The following KCNK2 variants were observed in gnomAD, a reference collection of about 807,000 sequenced individuals.
The protein encoded by KCNK2 is potassium two pore domain channel subfamily K member 2.
A neutral mutation model predicts 40.5 loss-of-function variants in KCNK2; 21 were observed. That is an observed-to-expected ratio of 0.52 (90% CI 0.37 to 0.75). KCNK2 has a LOEUF of 0.75. Among genes scored for constraint, KCNK2 ranks in the 30% least tolerant of loss-of-function variants. The probability of loss-of-function intolerance (pLI) is 0.00; values close to 1 mark genes in which losing one functional copy is unlikely to be tolerated. For missense variants in KCNK2, 399 were observed against 531.6 expected (o/e 0.75, Z 2.45); for synonymous variants, 191 against 202.2 (o/e 0.94, Z 0.47).
chr1:215,095,713 G>C lies in KCNK2; in HGVS notation c.357+9035G>C, dbSNP rs1356396761. Among the ~76,000 whole-genome samples the C allele has an allele frequency of 5.9e-5, 9 of 151,974 alleles. No individual in the cohort carries two copies. The South Asian group carries it at 1.2e-3, about 21-fold the overall frequency. ...ACAAACCAAATCAGATTTATGATCT[G>C]TGCCTCTAGGACATGCTTCCTTAAT... is the stretch of plus-strand genomic sequence containing the variant. On this transcript the variant is annotated intron_variant, in intron 2 of 6. Coordinates refer to ENST00000444842, the MANE Select transcript of KCNK2 (RefSeq NM_001017425.3).
intron 1 of KCNK2, among the ~76,000 whole-genome samples, chr1:215,028,448 G>C (rs1657072010): frequency 6.6e-6 from 1 of 151,962 alleles, no homozygotes; most frequent in South Asian, 2.1e-4. Context: ...TTGGGATTCT[G>C]TCTCAATTTT....
In KCNK2 at chr1:215,083,794, T is replaced by C. The variant is rs1252137989; in HGVS notation, c.46+363T>C. The C allele has an allele frequency of 1.7e-5, 6 of 345,334 alleles. No individual in the cohort carries two copies. In the East Asian group the frequency reaches 3.6e-4, roughly 21 times the overall value. 21.4% of individuals were successfully genotyped at this position (345,334 alleles called of 1,614,324 possible). ...GCCCATTGCCTGGTGGGACAGGCAG[T>C]GGTGCTGAAAAAAGCTTGCTTCCGC... On this transcript the variant is annotated intron_variant, in intron 1 of 6. Coordinates refer to ENST00000444842, the MANE Select transcript of KCNK2 (RefSeq NM_001017425.3).
intron 6 of KCNK2, among the ~76,000 whole-genome samples, chr1:215,201,869 G>T (rs10779653): frequency 0.99 from 150,871 of 152,318 alleles, 74,741 homozygotes; most frequent in East Asian, 1. Context: ...TTTCTTTTCT[G>T]TTTCTTCTTC....
At chr1:215,093,542 A>T (rs1229165237) in intron 2 of KCNK2, among the ~76,000 whole-genome samples, 1 of 112,344 alleles carries the variant, frequency 8.9e-6, no homozygotes, top group Non-Finnish European at 1.7e-5. Flanking sequence ...GAATATATAT[A>T]CTATATTGTA....
At chr1:215,065,907 G>C (rs1487624835) in intron 1 of KCNK2, among the ~76,000 whole-genome samples, 2 of 152,164 alleles carry the variant, frequency 1.3e-5, no homozygotes, top group Non-Finnish European at 1.5e-5. Flanking sequence ...GAACTGGGAG[G>C]ATTGCTTGAG....
At chr1:215,051,920 A>T (rs1260935330) in intron 1 of KCNK2, among the ~76,000 whole-genome samples, 1 of 152,194 alleles carries the variant, frequency 6.6e-6, no homozygotes, top group East Asian at 1.9e-4. Context: ...ATATTATTTT[A>T]AGTAAAGAAT....
At chr1:215,032,584 T>G (rs540681529) in intron 1 of KCNK2, among the ~76,000 whole-genome samples, 1 of 152,254 alleles carries the variant, frequency 6.6e-6, no homozygotes, top group East Asian at 1.9e-4. Context: ...TAACAACAGA[T>G]TTCTTCAATT....
intron 1 of KCNK2, among the ~76,000 whole-genome samples, chr1:215,018,344 A>G (rs1394138039): frequency 1.3e-5 from 2 of 152,214 alleles, no homozygotes; most frequent in Non-Finnish European, 2.9e-5. Flanking sequence ...AGTCTGGAAC[A>G]TCTTACATTA....
intron 1 of KCNK2, among the ~76,000 whole-genome samples, chr1:215,030,821 T>C (rs1345069514): frequency 1.3e-5 from 2 of 151,994 alleles, no homozygotes; most frequent in African/African-American, 4.8e-5. Flanking sequence ...TGCTGGGGAT[T>C]ATAGGCATGA....
chr1:215,235,046 T>G lies in KCNK2; in HGVS notation c.1182T>G (p.Asp394Glu). The G allele has an allele frequency of 6.2e-7, 1 of 1,613,792 alleles. No homozygotes were observed. The highest frequency in any genetic ancestry group is 1.1e-5 in the South Asian group (1 of 91,048). ...TGAACCACCTGACCAGCGAGAGGGA[T>G]GTCTTGCCTCCCTTACTGAAGACTG... ...LSVNHLTSER[D>E]VLPPLLKTES... The change falls in exon 7 of 7, where the codon GAT becomes GAG. Residue 394 changes from aspartate to glutamate, a missense_variant. This residue lies in a region of KCNK2 where 103 missense variants were observed against 124.3 expected (regional missense o/e 0.83). Coordinates refer to ENST00000444842, the MANE Select transcript of KCNK2 (RefSeq NM_001017425.3).
At chr1:215,036,389 T>C (rs1413051518) in intron 1 of KCNK2, among the ~76,000 whole-genome samples, 2 of 151,986 alleles carry the variant, frequency 1.3e-5, no homozygotes, top group Admixed American at 6.6e-5. Context: ...TCTGTTCCAT[T>C]GATCTATTTT....
At chr1:215,030,348 GCTTGTCTTTCCCTTTT>G (rs1185272174) in intron 1 of KCNK2, among the ~76,000 whole-genome samples, 2 of 151,958 alleles carry the variant, frequency 1.3e-5, no homozygotes, top group East Asian at 3.9e-4. Context: ...CCAGCTTGTG[GCTTGTCTTTCCCTTTT>G]CTTGATAGTC....
chr1:215,121,704 T>C (rs966092381), intron 2 of KCNK2, among the ~76,000 whole-genome samples: 5 of 152,214 alleles, frequency 3.3e-5, no homozygotes, highest in Non-Finnish European at 7.3e-5. Context: ...TTCCAACAGA[T>C]TGAAAGCAGA....
At chr1:215,053,626 T>C (rs938084271) in intron 1 of KCNK2, among the ~76,000 whole-genome samples, 7 of 152,106 alleles carry the variant, frequency 4.6e-5, no homozygotes, top group Non-Finnish European at 8.8e-5. Context: ...AAATGAAAAA[T>C]TGATAAATAA....
intron 1 of KCNK2, among the ~76,000 whole-genome samples, chr1:215,018,087 A>G (rs1213176593): frequency 1.3e-5 from 2 of 152,212 alleles, no homozygotes; most frequent in Non-Finnish European, 2.9e-5. Context: ...ATAATAAAGC[A>G]TGTATGTAAT....
At chr1:215,019,021 G>A (rs1016692760) in intron 1 of KCNK2, among the ~76,000 whole-genome samples, 5 of 151,618 alleles carry the variant, frequency 3.3e-5, no homozygotes, top group Non-Finnish European at 7.4e-5. Flanking sequence ...ATCTAAGAAA[G>A]ACCCTTTGCT....
chr1:215,020,150 C>T lies in KCNK2; in HGVS notation c.34+14195C>T, dbSNP rs1656740755. Among the ~76,000 whole-genome samples, 6 of 152,176 alleles carry T rather than the reference C, an allele frequency of 3.9e-5. No individual in the cohort carries two copies. The South Asian group carries it at 1.2e-3, about 32-fold the overall frequency. ...CGTTAGGTTCCTTTCAGAGGTGTGG[C>T]ACTTTGGATGTTTTCAATGGGAGCA... On this transcript the variant is annotated intron_variant, in intron 1 of 6. Transcript: ENST00000391895.
At chr1:215,163,423 C>T (rs1000118441) in intron 3 of KCNK2, among the ~76,000 whole-genome samples, 1 of 152,062 alleles carries the variant, frequency 6.6e-6, no homozygotes, top group African/African-American at 2.4e-5. Flanking sequence ...TTTCTCTTGC[C>T]TGATTGCCCT....
chr1:215,058,458 C>G (rs1230827917), intron 1 of KCNK2, among the ~76,000 whole-genome samples: 1 of 152,162 alleles, frequency 6.6e-6, no homozygotes, highest in African/African-American at 2.4e-5. Flanking sequence ...ATCAATAATT[C>G]TAAATCCTGT....
Sources: allele counts gnomAD v4.1 joint callset (sites outside exome capture counted in the v4.1 genomes callset), GRCh38; gene constraint gnomAD v4.1.1; regional missense constraint gnomAD v4.1.1; transcripts MANE v1.5; gene names NCBI Gene and HGNC (gene_info 2026-07-23, HGNC 2026-07-21).